The following ZBTB7C variants were observed in gnomAD, a reference collection of about 807,000 sequenced individuals.
ZBTB7C encodes the protein zinc finger and BTB domain containing 7C.
ZBTB7C carries 8 observed loss-of-function variants against 25.7 expected under a neutral mutation model. The observed-to-expected ratio is 0.31, with a 90% CI of 0.18 to 0.56. The LOEUF is 0.56. Among genes scored for constraint, ZBTB7C ranks in the 20% least tolerant of loss-of-function variants. The pLI, the probability that ZBTB7C is intolerant of heterozygous loss-of-function variation, is 0.91. For missense variants in ZBTB7C, 824 were observed against 855.2 expected, an observed-to-expected ratio of 0.96 and a Z score of 0.46; for synonymous variants, 394 against 369.0, an observed-to-expected ratio of 1.07 and a Z score of -0.78.
intron 3 of ZBTB7C, among the ~76,000 whole-genome samples, chr18:48,109,825 T>C (rs1344606620): frequency 6.6e-6 from 1 of 152,078 alleles, no homozygotes; most frequent in Non-Finnish European, 1.5e-5. Context: ...GACAAAAAGG[T>C]GCCTTCTTAT....
intron 2 of ZBTB7C, among the ~76,000 whole-genome samples, chr18:48,217,028 G>A (rs1243847051): frequency 1.3e-5 from 2 of 152,190 alleles, no homozygotes; most frequent in Admixed American, 6.5e-5. Flanking sequence ...CTTGGGTGAT[G>A]CAGCTGAAGC....
chr18:48,152,999 G>A (rs2040724850), intron 3 of ZBTB7C, among the ~76,000 whole-genome samples: 1 of 152,234 alleles, frequency 6.6e-6, no homozygotes, highest in Non-Finnish European at 1.5e-5. Flanking sequence ...AGCCAGGCAG[G>A]GTGGGTTCCC....
intron 3 of ZBTB7C, among the ~76,000 whole-genome samples, chr18:48,122,014 C>A (rs2039647336): frequency 6.6e-6 from 1 of 152,204 alleles, no homozygotes; most frequent in Admixed American, 6.5e-5. Context: ...TGACTTACAG[C>A]ATAACAGAAG....
At chr18:48,094,978 A>T (rs756998136) in intron 3 of ZBTB7C, among the ~76,000 whole-genome samples, 1 of 152,102 alleles carries the variant, frequency 6.6e-6, no homozygotes, top group Admixed American at 6.5e-5. Context: ...TGTGTTTTCA[A>T]CCACATTTCA....
intron 3 of ZBTB7C, among the ~76,000 whole-genome samples, chr18:48,154,141 A>T (rs550829553): frequency 1.3e-5 from 2 of 152,294 alleles, no homozygotes; most frequent in Admixed American, 1.3e-4. Context: ...GGCTGGGCAC[A>T]ATTCTGGGCT....
intron 3 of ZBTB7C, among the ~76,000 whole-genome samples, chr18:48,137,724 C>T (rs2040218842): frequency 6.6e-6 from 1 of 152,222 alleles, no homozygotes; most frequent in Non-Finnish European, 1.5e-5. Flanking sequence ...GATCATGAGA[C>T]CTTGTGGGTG....
chr18:48,367,175 T>TA (rs2047242433), intron 1 of ZBTB7C, among the ~76,000 whole-genome samples: 1 of 62,278 alleles, frequency 1.6e-5, no homozygotes, highest in African/African-American at 7.5e-5. Flanking sequence ...TCCCCAAGTT[T>TA]TATATATATA....
chr18:48,285,613 A>G lies in ZBTB7C; in HGVS notation c.-79+52561T>C, dbSNP rs997584574. 2.6e-5 allele frequency among the ~76,000 whole-genome samples: 4 copies of G among 152,298 alleles called. No homozygotes were observed. The South Asian group carries it at 6.2e-4, about 24-fold the overall frequency. On this transcript the variant is annotated intron_variant, in intron 2 of 4. Transcript: ENST00000590800. ...GCAATCCTCCTGCCTCGTCCTCTCAAAGTGCTGGGATTACAGGCATGAGCC... is the reference window on the plus strand; with the variant it reads ...GCAATCCTCCTGCCTCGTCCTCTCAGAGTGCTGGGATTACAGGCATGAGCC...
chr18:48,186,169 C>T (rs192065559), intron 2 of ZBTB7C, among the ~76,000 whole-genome samples, 174 bp from the exon 3 acceptor site: 1 of 152,212 alleles, frequency 6.6e-6, no homozygotes, highest in Non-Finnish European at 1.5e-5. Flanking sequence ...TCGCTCCTCG[C>T]AGGATTCCAC....
chr18:48,173,259 C>G (rs77034022), intron 3 of ZBTB7C, among the ~76,000 whole-genome samples: 2,423 of 152,314 alleles, frequency 0.016, 38 homozygotes, highest in South Asian at 0.025. Context: ...CACTCCACAT[C>G]AGGCCCCACG....
At chr18:48,401,814 T>G (rs949546023) in intron 1 of ZBTB7C, among the ~76,000 whole-genome samples, 7 of 152,118 alleles carry the variant, frequency 4.6e-5, no homozygotes, top group African/African-American at 1.7e-4. Context: ...GGGAGTTAAG[T>G]GCTCCTAGCC....
intron 3 of ZBTB7C, among the ~76,000 whole-genome samples, chr18:48,167,605 T>TGCGTGC (rs57491706): frequency 1.3e-5 from 2 of 149,632 alleles, no homozygotes; most frequent in African/African-American, 5.0e-5. Flanking sequence ...TGTGCGCGCG[T>TGCGTGC]GCACACGCGC....
rs573522768 is a variant in ZBTB7C at position 48,073,446 on chromosome 18, G to A, written c.-16-32323C>T. 2.0e-4 allele frequency among the ~76,000 whole-genome samples: 30 copies of A among 152,208 alleles called. 1 individual carries two copies. Among genetic ancestry groups the A allele is most frequent in the South Asian group, 1.0e-3 (5 of 4,822 alleles). Reference sequence around the variant, plus strand: ...CGGGAGGTGGTGGGCAGGGGTGGCCGTCTTTATTTGTGGGCTTGGGTGTGG... The same window carrying A: ...CGGGAGGTGGTGGGCAGGGGTGGCCATCTTTATTTGTGGGCTTGGGTGTGG... On this transcript the variant is annotated intron_variant, in intron 3 of 4. Coordinates refer to ENST00000590800, the MANE Select transcript of ZBTB7C (RefSeq NM_001318841.2).
At chr18:48,333,160 A>T (rs552049765) in intron 2 of ZBTB7C, among the ~76,000 whole-genome samples, 3 of 152,322 alleles carry the variant, frequency 2.0e-5, no homozygotes, top group East Asian at 3.9e-4. Context: ...TATCAGAAGA[A>T]TCATGAAAAA....
chr18:48,166,133 G>A (rs999528395), intron 3 of ZBTB7C, among the ~76,000 whole-genome samples: 3 of 151,966 alleles, frequency 2.0e-5, no homozygotes, highest in South Asian at 2.1e-4. Context: ...GCGAAATTCC[G>A]TGGCATTGAG....
chr18:48,376,722 G>T (rs984740458), intron 1 of ZBTB7C, among the ~76,000 whole-genome samples: 2 of 152,188 alleles, frequency 1.3e-5, no homozygotes, highest in South Asian at 2.1e-4. Flanking sequence ...TGGCTGTAAG[G>T]CCTGTCCAGC....
intron 3 of ZBTB7C, among the ~76,000 whole-genome samples, chr18:48,086,495 A>G (rs1025788355): frequency 6.6e-6 from 1 of 152,142 alleles, no homozygotes; most frequent in African/African-American, 2.4e-5. Context: ...CACCCCGTGT[A>G]TGGTCCCATT....
chr18:48,355,667 T>C (rs1382086162), intron 1 of ZBTB7C, among the ~76,000 whole-genome samples: 1 of 152,234 alleles, frequency 6.6e-6, no homozygotes, highest in Non-Finnish European at 1.5e-5. Context: ...CCAGGCTGTG[T>C]GTGTGCAGTG....
chr18:48,132,138 T>C (rs1568243230), intron 3 of ZBTB7C, among the ~76,000 whole-genome samples: 1 of 152,222 alleles, frequency 6.6e-6, no homozygotes, highest in Non-Finnish European at 1.5e-5. Context: ...AAACAACCTA[T>C]ATATCCATCA....
Sources: allele counts gnomAD v4.1 joint callset (sites outside exome capture counted in the v4.1 genomes callset), GRCh38; gene constraint gnomAD v4.1.1; transcripts MANE v1.5; gene names NCBI Gene and HGNC (gene_info 2026-07-23, HGNC 2026-07-21).